Variants in SYT17 observed in about 807,000 individuals in gnomAD.
The protein encoded by SYT17 is synaptotagmin 17, also known as synaptotagmin-17.
In SYT17, 22 loss-of-function variants were observed where a neutral mutation model predicts 46.7. The observed-to-expected ratio is 0.47, with a 90% CI of 0.34 to 0.67. SYT17 has a LOEUF of 0.67. Ranked by LOEUF, SYT17 falls within the 30% of genes least tolerant of loss-of-function variation. The pLI is 0.01. For missense variants in SYT17, 519 were observed against 612.8 expected, an observed-to-expected ratio of 0.85 and a Z score of 1.62; for synonymous variants, 251 against 248.4, an observed-to-expected ratio of 1.01 and a Z score of -0.10.
rs1184851045 is a variant in SYT17 at position 19,183,823 on chromosome 16, G to A, written c.627G>A (p.Arg209=). The change falls in exon 5 of 8, where the codon AGG becomes AGA. Residue 209 remains arginine (R), a synonymous_variant. Coordinates refer to ENST00000355377, the MANE Select transcript of SYT17 (RefSeq NM_016524.4). This position sits in a 1 kb window ranked among gnomAD's most constrained non-coding sequence, Gnocchi z 5.6. The part of the protein sequence containing the change: ...NHLTVRVIEA[R]DLPPPISHDG... ...TCACCGTGCGCGTGATCGAGGCCAG[G>A]GACCTGCCACCTCCCATCTCCCACG... 1 of 1,614,010 alleles carries A rather than the reference G, an allele frequency of 6.2e-7. No homozygotes were observed. The highest frequency in any genetic ancestry group is 2.2e-5 in the East Asian group (1 of 44,894).
chr16:19,198,190 G>A (rs1965327223), intron 5 of SYT17, among the ~76,000 whole-genome samples: 1 of 152,172 alleles, frequency 6.6e-6, no homozygotes, highest in Non-Finnish European at 1.5e-5. Flanking sequence ...AAATTGACCA[G>A]TGTCATAAGT....
chr16:19,212,135 G>A (rs1965927269), intron 5 of SYT17, among the ~76,000 whole-genome samples: 2 of 152,142 alleles, frequency 1.3e-5, no homozygotes, highest in African/African-American at 4.8e-5. Flanking sequence ...TTACCACTGG[G>A]GAGAGGGGTG....
chr16:19,234,272 A>G (rs1596994528), intron 7 of SYT17, among the ~76,000 whole-genome samples: 1 of 152,118 alleles, frequency 6.6e-6, no homozygotes, highest in East Asian at 1.9e-4. Context: ...GCTGCAGTAA[A>G]CTATGATCAC....
intron 7 of SYT17, among the ~76,000 whole-genome samples, chr16:19,254,784 G>T (rs143855157): frequency 1.3e-5 from 2 of 152,190 alleles, no homozygotes; most frequent in Non-Finnish European, 2.9e-5. Context: ...AAACAAGCAC[G>T]TTGCTTTATA....
Position 19,208,326 on chromosome 16 carries a change from A to T in SYT17, c.952-14719A>T, listed in dbSNP as rs537489227. On this transcript the variant is annotated intron_variant, in intron 5 of 7. Coordinates refer to ENST00000355377, the MANE Select transcript of SYT17 (RefSeq NM_016524.4). ...ATTAGTCCTTCACACTGCTATAAAG[A>T]ACCACCTGAGACTGGGCACTACTAA... is the stretch of plus-strand genomic sequence containing the variant. 3.1e-4 allele frequency among the ~76,000 whole-genome samples: 47 copies of T among 152,300 alleles called. No homozygotes were observed. In the East Asian group the frequency reaches 8.1e-3, roughly 26 times the overall value.
Position 19,255,307 on chromosome 16 carries a change from C to T in SYT17, c.1229-11573C>T, listed in dbSNP as rs181866226. Among the ~76,000 whole-genome samples the T allele has an allele frequency of 2.6e-5, 4 of 152,284 alleles. No individual in the cohort carries two copies. In the East Asian group the frequency reaches 7.7e-4, roughly 29 times the overall value. On this transcript the variant is annotated intron_variant, in intron 7 of 7. Coordinates refer to ENST00000355377, the MANE Select transcript of SYT17 (RefSeq NM_016524.4). ...AAGGCAGAGGTTTTCTACCTCCACA[C>T]TTACACTGATATTTGGGGCTGGATT...
chr16:19,245,472 G>A (rs375828513), intron 7 of SYT17, among the ~76,000 whole-genome samples: 32 of 152,236 alleles, frequency 2.1e-4, no homozygotes, highest in African/African-American at 5.8e-4. Flanking sequence ...ACCAGGCGCC[G>A]AGAAGGGCAG....
chr16:19,266,842 C>G (rs950900472), intron 7 of SYT17, 38 bp from the exon 8 acceptor site: 18 of 1,590,770 alleles, frequency 1.1e-5, no homozygotes, highest in Non-Finnish European at 1.3e-5. Flanking sequence ...CCTCCTTCCT[C>G]TTGCCTCCCT....
intron 5 of SYT17, among the ~76,000 whole-genome samples, chr16:19,218,675 T>C (rs958330836): frequency 1.3e-5 from 2 of 152,176 alleles, no homozygotes; most frequent in Non-Finnish European, 2.9e-5. Context: ...TCTTAGGTAT[T>C]GAGGGCCCAG....
chr16:19,244,372 C>T lies in SYT17; in HGVS notation c.1228+19534C>T, dbSNP rs1001275529. On this transcript the variant is annotated intron_variant, in intron 7 of 7. Coordinates refer to ENST00000355377, the MANE Select transcript of SYT17 (RefSeq NM_016524.4). The stretch of plus-strand genomic sequence containing the variant: ...TTTTTGAGACAGGGTCTTGCTCTGT[C>T]GCCTAGGCTGGAATGCAGTGGCACA... 3.3e-5 allele frequency among the ~76,000 whole-genome samples: 5 copies of T among 151,958 alleles called. No individual in the cohort carries two copies. In the South Asian group the frequency reaches 1.0e-3, roughly 32 times the overall value.
chr16:19,227,608 C>G (rs552471606), intron 7 of SYT17, among the ~76,000 whole-genome samples: 9 of 152,276 alleles, frequency 5.9e-5, no homozygotes, highest in African/African-American at 2.2e-4. Context: ...TGAGCCACCA[C>G]GCCTGGCCTA....
chr16:19,244,323 ATT>A (rs1264814385), intron 7 of SYT17, among the ~76,000 whole-genome samples: 4 of 146,200 alleles, frequency 2.7e-5, no homozygotes, highest in African/African-American at 9.8e-5. Flanking sequence ...ACAGAAGCTT[ATT>A]TCTTTTCTTT....
At chr16:19,232,351 G>T (rs755629833) in intron 7 of SYT17, among the ~76,000 whole-genome samples, 1 of 152,126 alleles carries the variant, frequency 6.6e-6, no homozygotes, top group Non-Finnish European at 1.5e-5. Context: ...GTCGCCCAGG[G>T]ATTTGTTAAA....
At chr16:19,189,353 T>TTTC (rs1964921901) in intron 5 of SYT17, among the ~76,000 whole-genome samples, 1 of 151,052 alleles carries the variant, frequency 6.6e-6, no homozygotes, top group Admixed American at 6.6e-5. Flanking sequence ...TTTTTTTTTT[T>TTTC]TTTCTGAGAC....
chr16:19,186,888 A>G (rs1046808400), intron 5 of SYT17, among the ~76,000 whole-genome samples: 2 of 152,208 alleles, frequency 1.3e-5, no homozygotes, highest in African/African-American at 2.4e-5. Context: ...TTGGATTAAT[A>G]AAAATGAATA....
intron 3 of SYT17, among the ~76,000 whole-genome samples, chr16:19,175,747 C>T (rs1003633467): frequency 2.6e-5 from 4 of 151,942 alleles, no homozygotes; most frequent in Non-Finnish European, 5.9e-5. Context: ...AATGCTATCT[C>T]CATGTGGGCA....
intron 5 of SYT17, among the ~76,000 whole-genome samples, chr16:19,209,901 A>AC (rs371988500): frequency 0.097 from 2,523 of 25,976 alleles, 73 homozygotes; most frequent in African/African-American, 0.4. Flanking sequence ...ACAAAACAAA[A>AC]ACAACAACAA....
chr16:19,181,628 G>A (rs895988149), intron 4 of SYT17, among the ~76,000 whole-genome samples: 14 of 151,894 alleles, frequency 9.2e-5, no homozygotes, highest in African/African-American at 1.7e-4. Context: ...TGTTGAGCAC[G>A]TAAATGGTGT....
rs66740634 is a variant in SYT17, at chr16:19,171,289, TATG to T, written c.16-1435_16-1433del. ...TTCACAAGCCACGTACCACCTATAC[TATG>T]ATGATGATGATGATGATGATGATGA... On this transcript the variant is annotated intron_variant, in intron 1 of 7. Transcript: ENST00000355377. The T allele has an allele frequency of 2.5e-3, 274 of 107,656 alleles. 1 individual carries two copies. Among genetic ancestry groups the T allele is most frequent in the East Asian group, 3.8e-3 (20 of 5,266 alleles). 6.7% of individuals were successfully genotyped at this position (107,656 alleles called of 1,614,324 possible). A position where few individuals can be genotyped will look rare whatever the true frequency, so the allele number is the denominator to read the frequency against.
Sources: gnomAD v4.1 joint callset for allele counts (sites outside exome capture counted in the v4.1 genomes callset) on GRCh38, gnomAD v4.1.1 for gene constraint, Gnocchi (gnomAD v3.1) non-coding constraint, MANE v1.5 for transcripts, NCBI Gene and HGNC (gene_info 2026-07-23, HGNC 2026-07-21) for gene names.